PTPRD: variants seen among roughly 807,000 people sequenced by gnomAD.
PTPRD encodes receptor-type tyrosine-protein phosphatase delta.
Under a neutral mutation model 214.5 loss-of-function variants are expected in PTPRD, and 34 were observed. The ratio of observed to expected loss-of-function variants is 0.16; its 90% CI spans 0.12 to 0.21. The LOEUF (loss-of-function observed/expected upper bound fraction) is 0.21. Among genes scored for constraint, PTPRD ranks in the 10% least tolerant of loss-of-function variants. The probability of loss-of-function intolerance (pLI) is 1.00; values close to 1 mark genes in which losing one functional copy is unlikely to be tolerated. For synonymous variants in PTPRD, 1,128 were observed against 845.7 expected (o/e 1.33, Z -5.79); for missense variants, 2,545 against 2,398.7 (o/e 1.06, Z -1.27).
chr9:10,097,924 A>C (rs1010136600), intron 3 of PTPRD, among the ~76,000 whole-genome samples: 1 of 151,824 alleles, frequency 6.6e-6, no homozygotes, highest in African/African-American at 2.4e-5. Context: ...CCATTGTGGA[A>C]GTCGGTGTAG....
At chr9:8,757,673 T>C (rs1054908192) in intron 11 of PTPRD, among the ~76,000 whole-genome samples, 5 of 144,944 alleles carry the variant, frequency 3.4e-5, no homozygotes, top group Non-Finnish European at 6.0e-5. Context: ...TATACATACA[T>C]ATATATATAT....
At chr9:9,173,740 A>G (rs1455081346) in intron 10 of PTPRD, among the ~76,000 whole-genome samples, 2 of 152,176 alleles carry the variant, frequency 1.3e-5, no homozygotes, top group Non-Finnish European at 2.9e-5. Context: ...ATGGTTGACC[A>G]TGGACCATTG....
intron 4 of PTPRD, among the ~76,000 whole-genome samples, chr9:9,995,977 C>A (rs573979702): frequency 6.6e-6 from 1 of 152,140 alleles, no homozygotes; most frequent in East Asian, 1.9e-4. Flanking sequence ...GTATAAATTT[C>A]TTTTTTCTTT....
At chr9:8,581,238 G>A (rs1177093213) in intron 14 of PTPRD, among the ~76,000 whole-genome samples, 1 of 152,032 alleles carries the variant, frequency 6.6e-6, no homozygotes, top group Non-Finnish European at 1.5e-5. Flanking sequence ...AATATTTCCA[G>A]TCATTAAAAT....
intron 9 of PTPRD, among the ~76,000 whole-genome samples, chr9:9,257,272 T>C (rs2099978131): frequency 1.3e-5 from 2 of 152,050 alleles, no homozygotes; most frequent in South Asian, 2.1e-4. Context: ...TTTCTTTATA[T>C]GGCTAATGAT....
intron 10 of PTPRD, among the ~76,000 whole-genome samples, chr9:9,086,391 G>A (rs2099767066): frequency 6.6e-6 from 1 of 152,146 alleles, no homozygotes; most frequent in Non-Finnish European, 1.5e-5. Flanking sequence ...GTTACTGGGG[G>A]AAATGAAGAG....
chr9:8,971,221 T>C (rs1272038686), intron 11 of PTPRD, among the ~76,000 whole-genome samples: 1 of 151,856 alleles, frequency 6.6e-6, no homozygotes, highest in African/African-American at 2.4e-5. Flanking sequence ...AATACTTTAT[T>C]AGATATAAGT....
chr9:9,672,328 T>C (rs761317844), intron 7 of PTPRD, among the ~76,000 whole-genome samples: 29 of 152,270 alleles, frequency 1.9e-4, no homozygotes, highest in Non-Finnish European at 3.4e-4. Context: ...AAAAATAAAT[T>C]ACCTATATAG....
intron 8 of PTPRD, among the ~76,000 whole-genome samples, chr9:9,435,965 A>G (rs1356998297): frequency 4.6e-5 from 7 of 152,252 alleles, no homozygotes; most frequent in Admixed American, 3.3e-4. Flanking sequence ...TTCCCATTCA[A>G]TTAGCTCACC....
intron 3 of PTPRD, among the ~76,000 whole-genome samples, chr9:10,323,388 G>A (rs2096589968): frequency 6.7e-6 from 1 of 149,750 alleles, no homozygotes; most frequent in Non-Finnish European, 1.5e-5. Context: ...TCAGCCTCCT[G>A]GGCTCTAACA....
intron 7 of PTPRD, among the ~76,000 whole-genome samples, chr9:9,623,821 C>G (rs1416565781): frequency 6.6e-6 from 1 of 152,180 alleles, no homozygotes; most frequent in Non-Finnish European, 1.5e-5. Flanking sequence ...TTAAAAATAT[C>G]ACTTTCAAGA....
At chr9:9,482,639 A>C (rs1037711313) in intron 8 of PTPRD, among the ~76,000 whole-genome samples, 3 of 152,162 alleles carry the variant, frequency 2.0e-5, no homozygotes, top group African/African-American at 7.2e-5. Flanking sequence ...TTCTCTTCTG[A>C]GGACATCAGC....
chr9:10,527,305 A>G (rs2054605793), intron 2 of PTPRD, among the ~76,000 whole-genome samples: 1 of 152,192 alleles, frequency 6.6e-6, no homozygotes, highest in Non-Finnish European at 1.5e-5. Context: ...AGTAAAGAAC[A>G]GCCTCAAACA....
rs747995486 is a variant in PTPRD at position 8,518,263 on chromosome 9, T to A, written c.1128A>T (p.Thr376=). 1.2e-6 allele frequency: 2 copies of A among 1,614,008 alleles called. No individual in the cohort carries two copies. Among genetic ancestry groups the A allele is most frequent in the African/African-American group, 2.7e-5 (2 of 74,912 alleles). Residue 376 remains threonine (T), a synonymous_variant, in exon 21 of 46, where the codon ACA becomes ACT. Transcript: ENST00000381196. ...GACTTAGTCCAGCGACACTGTAGCG[T>A]GTGGTCGCCACCCCATCAATTTCTT... ...LYKEIDGVAT[T]RYSVAGLSPY... is the part of the protein sequence containing the mutation.
intron 10 of PTPRD, among the ~76,000 whole-genome samples, chr9:9,106,482 G>A (rs938505811): frequency 2.0e-5 from 3 of 151,528 alleles, no homozygotes; most frequent in African/African-American, 7.3e-5. Context: ...AAGTAAAAGA[G>A]CAAGAGTTTG....
chr9:10,054,473 T>A (rs1013933031), intron 3 of PTPRD, among the ~76,000 whole-genome samples: 3 of 152,154 alleles, frequency 2.0e-5, no homozygotes, highest in African/African-American at 7.2e-5. Flanking sequence ...TTCTAACTAA[T>A]TCCCCTGCTG....
chr9:8,654,960 GT>G (rs962664978), intron 12 of PTPRD, among the ~76,000 whole-genome samples: 6 of 152,004 alleles, frequency 3.9e-5, no homozygotes, highest in Non-Finnish European at 7.4e-5. Flanking sequence ...TAGCAAGATT[GT>G]TTTTTTCATA....
At position 8,452,752 on chromosome 9, in the gene PTPRD, T is replaced by C. The variant is rs79966578; in HGVS notation, c.3876-2915A>G. On this transcript the variant is annotated intron_variant, in intron 33 of 45. Transcript: ENST00000381196. ...CTGCTAATACTATAAAAGCATGTGG[T>C]TGTTTGGGATGTGGGTAATACACAA... 9.5e-3 allele frequency among the ~76,000 whole-genome samples: 1,452 copies of C among 152,276 alleles called. 22 individuals carry two copies. The highest frequency in any genetic ancestry group is 0.033 in the African/African-American group (1,376 of 41,554).
chr9:8,430,310 C>A (rs1364346642), intron 35 of PTPRD, among the ~76,000 whole-genome samples: 1 of 151,854 alleles, frequency 6.6e-6, no homozygotes, highest in Middle Eastern at 3.2e-3. Context: ...CCCTCTGTCA[C>A]CCAGGCTGCA....
Sources: gnomAD v4.1 joint callset for allele counts (sites outside exome capture counted in the v4.1 genomes callset) on GRCh38, gnomAD v4.1.1 for gene constraint, MANE v1.5 for transcripts, NCBI Gene and HGNC (gene_info 2026-07-23, HGNC 2026-07-21) for gene names.